The following COPG2 variants were observed in gnomAD, a reference collection of about 807,000 sequenced individuals.
The protein encoded by COPG2 is coat protein complex I subunit gamma 2.
Under a neutral mutation model 46.3 loss-of-function variants are expected in COPG2, and 37 were observed. The ratio of observed to expected loss-of-function variants is 0.80; its 90% CI spans 0.61 to 1.05. The LOEUF (loss-of-function observed/expected upper bound fraction) is 1.05. Ranked by LOEUF, COPG2 falls within the 50% of genes least tolerant of loss-of-function variation. The probability of loss-of-function intolerance (pLI) is 0.00; values close to 1 mark genes in which losing one functional copy is unlikely to be tolerated. For missense variants in COPG2, 427 were observed against 387.8 expected (o/e 1.10, Z -0.85); for synonymous variants, 159 against 129.7 (o/e 1.23, Z -1.53).
intron 5 of COPG2, among the ~76,000 whole-genome samples, chr7:130,628,400 T>C (rs1184882358): frequency 1.3e-5 from 2 of 152,220 alleles, no homozygotes; most frequent in African/African-American, 2.4e-5. Flanking sequence ...CCAGGGTTTA[T>C]ATCTTTACTT....
intron 9 of COPG2, among the ~76,000 whole-genome samples, chr7:130,606,240 A>G (rs996557461): frequency 2.7e-5 from 4 of 149,110 alleles, no homozygotes; most frequent in African/African-American, 9.9e-5. Flanking sequence ...AAAAAAAAGA[A>G]AGAGAGAGAG....
rs1796162686 is a variant in COPG2, at chr7:130,668,730, C to CG, written c.-63dup. On this transcript the variant is annotated 5_prime_UTR_variant, in exon 1 of 24. Transcript: ENST00000425248. ...CGTCCCAGGCGCCGCAGCCGGCGAG[C>CG]GGAAGAGGCTGCAGGAAGGCCGGCC... is the stretch of plus-strand genomic sequence containing the variant. The CG allele has an allele frequency of 6.7e-7, 1 of 1,492,244 alleles. No homozygotes were observed. The highest frequency in any genetic ancestry group is 2.2e-5 in the Admixed American group (1 of 44,474). 92.4% of individuals were successfully genotyped at this position (1,492,244 alleles called of 1,614,324 possible). A position where few individuals can be genotyped will look rare whatever the true frequency, so the allele number is the denominator to read the frequency against.
At chr7:130,516,343 G>A (rs929723640) in intron 20 of COPG2, among the ~76,000 whole-genome samples, 6 of 152,118 alleles carry the variant, frequency 3.9e-5, no homozygotes, top group African/African-American at 1.4e-4. Context: ...GGAGACAGTG[G>A]GGATATGAGG....
At chr7:130,591,510 C>T (rs1554448942) in intron 9 of COPG2, among the ~76,000 whole-genome samples, 5 of 103,666 alleles carry the variant, frequency 4.8e-5, no homozygotes, top group African/African-American at 1.1e-4. Flanking sequence ...GCCGCCCCAT[C>T]CGGGAGGTGA....
Position 130,662,433 on chromosome 7 carries a change from GC to G in COPG2, c.243+533del, listed in dbSNP as rs1795996966. 2.0e-5 allele frequency among the ~76,000 whole-genome samples: 3 copies of G among 152,290 alleles called. No individual in the cohort carries two copies. The South Asian group carries it at 6.2e-4, about 32-fold the overall frequency. On this transcript the variant is annotated intron_variant, in intron 4 of 23. Coordinates refer to ENST00000425248, the MANE Select transcript of COPG2 (RefSeq NM_012133.6). ...CTGTATGGTTCTGCCTTAGAGCTAG[GC>G]AAAAGAAAAATGTACACAACACTTA...
At chr7:130,665,230 A>T (rs1796051689) in intron 3 of COPG2, among the ~76,000 whole-genome samples, 1 of 152,192 alleles carries the variant, frequency 6.6e-6, no homozygotes, top group South Asian at 2.1e-4. Context: ...ATTTGTAAAC[A>T]AGAAAACTTT....
At chr7:130,633,636 T>C (rs1392279510) in intron 5 of COPG2, among the ~76,000 whole-genome samples, 5 of 152,234 alleles carry the variant, frequency 3.3e-5, no homozygotes, top group African/African-American at 7.2e-5. Flanking sequence ...GTCAGATGGA[T>C]AGACTGCAAA....
intron 18 of COPG2, among the ~76,000 whole-genome samples, chr7:130,549,043 C>CAAAAAAAAA (rs1284034360): frequency 9.0e-6 from 1 of 110,636 alleles, no homozygotes; most frequent in Non-Finnish European, 2.2e-5. Flanking sequence ...AAGCAAAAAG[C>CAAAAAAAAA]AAAAAAAAAA....
chr7:130,557,855 A>C (rs997252811), intron 12 of COPG2, among the ~76,000 whole-genome samples: 4 of 146,064 alleles, frequency 2.7e-5, no homozygotes, highest in African/African-American at 1.0e-4. Flanking sequence ...AAGAATAGCC[A>C]GGAAAACAAT....
In COPG2 at chr7:130,651,376, G is replaced by A. The variant is rs182406616; in HGVS notation, c.323+1493C>T. ...CTGTCACCCAGGCTGGAGTGCAGTG[G>A]CACGATCTCGGCTCACCGCAATCTC... On this transcript the variant is annotated intron_variant, in intron 5 of 23. Transcript: ENST00000425248. Among the ~76,000 whole-genome samples, 1,433 of 150,964 alleles carry A rather than the reference G, an allele frequency of 9.5e-3. 10 individuals carry two copies. The highest frequency in any genetic ancestry group is 0.012 in the Non-Finnish European group (841 of 67,810).
chr7:130,630,541 A>C (rs904884178), intron 5 of COPG2, among the ~76,000 whole-genome samples: 1 of 152,170 alleles, frequency 6.6e-6, no homozygotes, highest in Non-Finnish European at 1.5e-5. Context: ...ATTTTTCTGT[A>C]TACTTGCTCT....
chr7:130,580,466 G>T (rs1554446930), intron 9 of COPG2, among the ~76,000 whole-genome samples: 6 of 117,772 alleles, frequency 5.1e-5, no homozygotes, highest in South Asian at 6.6e-4. Flanking sequence ...ACATTCAAAA[G>T]CTAGCAGAAG....
intron 23 of COPG2, 145 bp from the exon 24 acceptor site, chr7:130,506,951 C>G (rs1277948623): frequency 1.7e-6 from 1 of 585,186 alleles, no homozygotes; most frequent in Non-Finnish European, 3.0e-6. Flanking sequence ...CCTAAACAAA[C>G]ATAAATTCCA....
intron 20 of COPG2, among the ~76,000 whole-genome samples, chr7:130,524,174 C>T (rs973246354): frequency 1.3e-5 from 2 of 152,024 alleles, no homozygotes. Context: ...GCCTGGACCA[C>T]TGGGATGTGG....
intron 5 of COPG2, among the ~76,000 whole-genome samples, chr7:130,618,024 C>T (rs1794978266): frequency 7.1e-6 from 1 of 140,258 alleles, no homozygotes; most frequent in Non-Finnish European, 1.5e-5. Context: ...CTGCTTGAAC[C>T]CAGGAGGCAG....
chr7:130,630,064 G>A (rs969171981), intron 5 of COPG2, among the ~76,000 whole-genome samples: 11 of 151,586 alleles, frequency 7.3e-5, no homozygotes, highest in African/African-American at 1.7e-4. Context: ...TTACAGACAC[G>A]CGCCACCATA....
chr7:130,508,408 G>A (rs1799539005), intron 21 of COPG2, 154 bp downstream of exon 21: 1 of 589,426 alleles, frequency 1.7e-6, no homozygotes, highest in East Asian at 2.8e-5. Flanking sequence ...ACAGAGGAGG[G>A]TTAGTCCAGG....
chr7:130,592,369 CT>C (rs1794447944), intron 9 of COPG2, among the ~76,000 whole-genome samples: 1 of 148,312 alleles, frequency 6.7e-6, no homozygotes, highest in Non-Finnish European at 1.5e-5. Flanking sequence ...CCAAATCCCC[CT>C]CTGCGAGAAA....
intron 20 of COPG2, among the ~76,000 whole-genome samples, chr7:130,538,635 C>T (rs1212219423): frequency 6.6e-6 from 1 of 150,574 alleles, no homozygotes; most frequent in African/African-American, 2.4e-5. Context: ...CACATTCAGA[C>T]AGCACCTGCA....
Sources: allele counts gnomAD v4.1 joint callset (sites outside exome capture counted in the v4.1 genomes callset), GRCh38; gene constraint gnomAD v4.1.1; transcripts MANE v1.5; gene names NCBI Gene and HGNC (gene_info 2026-07-23, HGNC 2026-07-21).